Variants in SLC22A25 observed in about 807,000 individuals in gnomAD.
The protein encoded by SLC22A25 is solute carrier family 22 member 25.
Under a neutral mutation model 45.9 loss-of-function variants are expected in SLC22A25, and 44 were observed. The observed-to-expected ratio is 0.96, with a 90% CI of 0.75 to 1.23. The LOEUF is 1.23. Ranked by LOEUF, SLC22A25 falls within the 50% of genes most tolerant of loss-of-function variation. The pLI is 0.00. For synonymous variants in SLC22A25, 283 were observed against 238.6 expected, an observed-to-expected ratio of 1.19 and a Z score of -1.72; for missense variants, 800 against 666.4, an observed-to-expected ratio of 1.20 and a Z score of -2.21.
chr11:63,176,372 TTTTG>T (rs1471912307), intron 9 of SLC22A25, among the ~76,000 whole-genome samples: 3 of 152,020 alleles, frequency 2.0e-5, no homozygotes, highest in East Asian at 3.8e-4. Flanking sequence ...TTCATCTTTG[TTTTG>T]TTTATTTCAT....
intron 9 of SLC22A25, among the ~76,000 whole-genome samples, chr11:63,176,545 A>T (rs7104356): frequency 0.99 from 150,195 of 152,076 alleles, 74,203 homozygotes; most frequent in Middle Eastern, 1. Flanking sequence ...CTGATTTTTA[A>T]GTGCATTTTG....
intron 9 of SLC22A25, among the ~76,000 whole-genome samples, chr11:63,179,607 G>T (rs2088245549): frequency 6.6e-6 from 1 of 152,088 alleles, no homozygotes; most frequent in Non-Finnish European, 1.5e-5. Flanking sequence ...TTAACACCCA[G>T]CTGTCTTTGT....
intron 1 of SLC22A25, among the ~76,000 whole-genome samples, chr11:63,239,484 G>T (rs2090214457): frequency 6.6e-6 from 1 of 152,156 alleles, no homozygotes; most frequent in Admixed American, 6.5e-5. Context: ...ATGCTATATT[G>T]TTAGCAGTCT....
At chr11:63,219,830 C>T in intron 5 of SLC22A25, 1 of 980,536 alleles carries the variant, frequency 1.0e-6, no homozygotes, top group East Asian at 6.0e-5. Flanking sequence ...GGCACTGTCC[C>T]AGAGAGCTGG....
intron 10 of SLC22A25, 70 bp downstream of exon 10, chr11:63,165,974 T>C: frequency 6.4e-7 from 1 of 1,550,656 alleles, no homozygotes; most frequent in South Asian, 1.2e-5. Context: ...TTCAGATAGG[T>C]GTGACCAGGG....
chr11:63,164,882 G>A (rs1024800313), intron 10 of SLC22A25, among the ~76,000 whole-genome samples: 1 of 152,104 alleles, frequency 6.6e-6, no homozygotes, highest in Non-Finnish European at 1.5e-5. Flanking sequence ...TATATCAGGG[G>A]TATGCCATAG....
At chr11:63,198,677 C>A (rs1270500525) in intron 7 of SLC22A25, among the ~76,000 whole-genome samples, 1 of 152,046 alleles carries the variant, frequency 6.6e-6, no homozygotes, top group South Asian at 2.1e-4. Flanking sequence ...TGAAACAAAT[C>A]TGCACATTGT....
chr11:63,206,843 A>G (rs779201023), intron 7 of SLC22A25, among the ~76,000 whole-genome samples: 9 of 152,240 alleles, frequency 5.9e-5, no homozygotes, highest in Non-Finnish European at 1.3e-4. Context: ...AGCAAAAAGA[A>G]CAAAGCTGGA....
chr11:63,173,252 C>T (rs1415684897), intron 9 of SLC22A25, among the ~76,000 whole-genome samples: 2 of 151,892 alleles, frequency 1.3e-5, no homozygotes, highest in African/African-American at 4.8e-5. Context: ...AGCATTGGGA[C>T]AAATACCTAA....
chr11:63,237,326 A>T (rs1316153245), intron 3 of SLC22A25, among the ~76,000 whole-genome samples: 1 of 152,232 alleles, frequency 6.6e-6, no homozygotes, highest in Admixed American at 6.5e-5. Flanking sequence ...TTGAAATAAA[A>T]AAAGAGACGA....
rs112604869 is a variant in SLC22A25 at position 63,193,355 on chromosome 11, C to G, written c.831-9538G>C. Reference sequence around the variant, plus strand: ...CCTCCTAAAGTGGGTCCCTGAACCCCGAGTAGCCTAACTGGGAGACACCTC... The same window carrying G: ...CCTCCTAAAGTGGGTCCCTGAACCCGGAGTAGCCTAACTGGGAGACACCTC... On this transcript the variant is annotated intron_variant, in intron 7 of 11. Coordinates refer to ENST00000306494, the MANE Select transcript of SLC22A25 (RefSeq NM_199352.6). 8.2e-3 allele frequency among the ~76,000 whole-genome samples: 1,252 copies of G among 152,264 alleles called. 25 individuals carry two copies. The highest frequency in any genetic ancestry group is 0.029 in the African/African-American group (1,191 of 41,560).
chr11:63,160,892 TG>T lies in SLC22A25; in HGVS notation c.*2931del, dbSNP rs1018697371. ...TTCCCTGCTGGATTTTGGAATTGTA[TG>T]GGGCCTTTAGTAAAACTGCTATGGA... On this transcript the variant is annotated 3_prime_UTR_variant, in exon 12 of 12. Coordinates refer to ENST00000306494, the MANE Select transcript of SLC22A25 (RefSeq NM_199352.6). Among the ~76,000 whole-genome samples, 2 of 152,146 alleles carry T rather than the reference TG, an allele frequency of 1.3e-5. No homozygotes were observed. Among genetic ancestry groups the T allele is most frequent in the African/African-American group, 4.8e-5 (2 of 41,440 alleles).
intron 7 of SLC22A25, among the ~76,000 whole-genome samples, chr11:63,187,649 T>G (rs1217364064): frequency 6.6e-6 from 1 of 152,216 alleles, no homozygotes; most frequent in East Asian, 1.9e-4. Context: ...GCTTCCGGTT[T>G]TTGCCCATTC....
At chr11:63,176,746 A>T (rs1409284925) in intron 9 of SLC22A25, among the ~76,000 whole-genome samples, 1 of 152,018 alleles carries the variant, frequency 6.6e-6, no homozygotes, top group Non-Finnish European at 1.5e-5. Context: ...ACTATATTAA[A>T]TAGAAGTGGT....
chr11:63,242,595 A>G (rs949745507), intron 1 of SLC22A25, among the ~76,000 whole-genome samples: 9 of 152,196 alleles, frequency 5.9e-5, no homozygotes, highest in African/African-American at 1.9e-4. Flanking sequence ...ATTGTGATAT[A>G]GCCAGCTGGA....
At chr11:63,195,376 TA>T (rs2088983318) in intron 7 of SLC22A25, among the ~76,000 whole-genome samples, 1 of 151,994 alleles carries the variant, frequency 6.6e-6, no homozygotes, top group Non-Finnish European at 1.5e-5. Context: ...TCAGCAAATG[TA>T]AAAGAACAGA....
intron 1 of SLC22A25, 33 bp from the exon 2 acceptor site, chr11:63,239,168 A>C (rs1377567323): frequency 6.6e-6 from 1 of 152,584 alleles, no homozygotes; most frequent in Non-Finnish European, 1.5e-5. Flanking sequence ...TATTCAGATA[A>C]GTTCAAAGAG....
At chr11:63,205,529 T>C (rs1031927325) in intron 7 of SLC22A25, among the ~76,000 whole-genome samples, 1 of 152,152 alleles carries the variant, frequency 6.6e-6, no homozygotes, top group Non-Finnish European at 1.5e-5. Context: ...TAAACAACCC[T>C]ATGCAAATGA....
intron 2 of SLC22A25, among the ~76,000 whole-genome samples, 169 bp downstream of exon 2, chr11:63,238,548 A>G (rs577675611): frequency 6.6e-6 from 1 of 152,220 alleles, no homozygotes; most frequent in African/African-American, 2.4e-5. Context: ...AAATCACTAG[A>G]CTTATAAAAT....
Sources: allele counts gnomAD v4.1 joint callset (sites outside exome capture counted in the v4.1 genomes callset), GRCh38; gene constraint gnomAD v4.1.1; transcripts MANE v1.5; gene names NCBI Gene and HGNC (gene_info 2026-07-23, HGNC 2026-07-21).